Variants in HMGCLL1 observed in about 807,000 individuals in gnomAD.
HMGCLL1 encodes 3-hydroxy-3-methylglutaryl-CoA lyase like 1.
HMGCLL1 carries 36 observed loss-of-function variants against 39.1 expected under a neutral mutation model. The observed-to-expected ratio is 0.92, with a 90% confidence interval of 0.71 to 1.22. The LOEUF (loss-of-function observed/expected upper bound fraction) is 1.22, where lower values mean the gene tolerates loss of function less well. HMGCLL1 is among the 50% of genes most tolerant of loss of function. The pLI is 0.00. For missense variants in HMGCLL1, 451 were observed against 416.5 expected, an observed-to-expected ratio of 1.08 and a Z score of -0.72; for synonymous variants, 149 against 144.0, an observed-to-expected ratio of 1.03 and a Z score of -0.25.
At chr6:55,546,248 T>A (rs906933311) in intron 1 of HMGCLL1, among the ~76,000 whole-genome samples, 1 of 152,148 alleles carries the variant, frequency 6.6e-6, no homozygotes, top group Non-Finnish European at 1.5e-5. Context: ...TCATCCAAGA[T>A]TCAATTTGTC....
chr6:55,659,419 AAG>A, the HMGCLL1 span, among the ~76,000 whole-genome samples: 1 of 151,964 alleles, frequency 6.6e-6, no homozygotes, highest in African/African-American at 2.4e-5. Context: ...TGTCTCTCTG[AAG>A]GGCAAATTGC....
chr6:55,657,020 C>T, the HMGCLL1 span, among the ~76,000 whole-genome samples: 2 of 151,906 alleles, frequency 1.3e-5, 1 homozygote, highest in Admixed American at 1.3e-4. Context: ...GTAGGATGTA[C>T]TTTGCCCACT....
At chr6:55,665,206 T>C in the HMGCLL1 span, among the ~76,000 whole-genome samples, 2 of 151,676 alleles carry the variant, frequency 1.3e-5, no homozygotes, top group African/African-American at 2.4e-5. Context: ...GCAAGAAAAT[T>C]TTGAAATTAT....
chr6:55,576,362 T>C (rs905251995), intron 1 of HMGCLL1, among the ~76,000 whole-genome samples: 3 of 152,196 alleles, frequency 2.0e-5, no homozygotes, highest in Non-Finnish European at 4.4e-5. Flanking sequence ...AAGGCCACTG[T>C]GGCTAAAGTG....
At chr6:55,444,398 T>C (rs982665439) in intron 7 of HMGCLL1, among the ~76,000 whole-genome samples, 9 of 152,012 alleles carry the variant, frequency 5.9e-5, no homozygotes, top group African/African-American at 2.2e-4. Context: ...CACACACACA[T>C]ATATCTATAT....
the HMGCLL1 span, among the ~76,000 whole-genome samples, chr6:55,632,137 C>A: frequency 6.6e-6 from 1 of 152,072 alleles, no homozygotes; most frequent in Admixed American, 6.6e-5. Context: ...GAAATGCTAA[C>A]AACATTTGAG....
At chr6:55,591,832 C>T in the HMGCLL1 span, among the ~76,000 whole-genome samples, 5,896 of 151,778 alleles carry the variant, frequency 0.039, 164 homozygotes, top group Non-Finnish European at 0.057. Flanking sequence ...ATTCCAAGAA[C>T]ATTTTAGTTG....
intron 6 of HMGCLL1, among the ~76,000 whole-genome samples, chr6:55,496,074 C>T (rs1255785850): frequency 6.6e-6 from 1 of 151,990 alleles, no homozygotes; most frequent in Admixed American, 6.6e-5. Context: ...CATATATATA[C>T]AGCTGACCCT....
At chr6:55,451,552 A>AAAAAAC (rs374143147) in intron 7 of HMGCLL1, among the ~76,000 whole-genome samples, 21 of 146,554 alleles carry the variant, frequency 1.4e-4, no homozygotes, top group South Asian at 4.3e-4. Flanking sequence ...TCCATCTCCA[A>AAAAAAC]AAAAACAAAA....
intron 7 of HMGCLL1, among the ~76,000 whole-genome samples, chr6:55,469,566 A>G (rs917295711): frequency 6.6e-6 from 1 of 151,128 alleles, no homozygotes; most frequent in African/African-American, 2.4e-5. Flanking sequence ...AGGGAAGGAG[A>G]GAGAGGAATT....
At chr6:55,487,274 T>C (rs1280597448) in intron 7 of HMGCLL1, among the ~76,000 whole-genome samples, 1 of 152,068 alleles carries the variant, frequency 6.6e-6, no homozygotes, top group Non-Finnish European at 1.5e-5. Context: ...TAGTAAAAAG[T>C]TTGTCAATTT....
chr6:55,553,947 C>T (rs1031509243), intron 1 of HMGCLL1, among the ~76,000 whole-genome samples: 49 of 152,154 alleles, frequency 3.2e-4, no homozygotes, highest in Non-Finnish European at 5.4e-4. Flanking sequence ...CATTTTGGAA[C>T]CTGCCAACAT....
At position 55,516,619 on chromosome 6, in the gene HMGCLL1, G is replaced by A; in HGVS notation, c.298-16C>T. On this transcript the variant is annotated splice_polypyrimidine_tract_variant and intron_variant, in intron 3 of 8. Coordinates refer to ENST00000274901, the MANE Select transcript of HMGCLL1 (RefSeq NM_001042406.2). ...GATCAGCCATCTTAAATACATAATA[G>A]TTATATGTAAATGTGTAACTTCGAA... 1 of 1,487,996 alleles carries A rather than the reference G, an allele frequency of 6.7e-7. No homozygotes were observed. Among genetic ancestry groups the A allele is most frequent in the South Asian group, 1.2e-5 (1 of 82,508 alleles). 92.2% of individuals were successfully genotyped at this position (1,487,996 alleles called of 1,614,324 possible). A position where few individuals can be genotyped will look rare whatever the true frequency, so the allele number is the denominator to read the frequency against.
At chr6:55,500,951 C>T (rs1766849647) in intron 5 of HMGCLL1, among the ~76,000 whole-genome samples, 1 of 151,892 alleles carries the variant, frequency 6.6e-6, no homozygotes, top group South Asian at 2.1e-4. Context: ...GAAAAACAAA[C>T]ATAAATGCAA....
At chr6:55,496,663 G>C (rs1457237020) in intron 6 of HMGCLL1, among the ~76,000 whole-genome samples, 1 of 152,046 alleles carries the variant, frequency 6.6e-6, no homozygotes, top group East Asian at 1.9e-4. Flanking sequence ...GAACTCATAG[G>C]AAGTGCAACT....
chr6:55,611,147 CT>C, the HMGCLL1 span, among the ~76,000 whole-genome samples: 1 of 152,134 alleles, frequency 6.6e-6, no homozygotes, highest in African/African-American at 2.4e-5. Flanking sequence ...GAACAACCTG[CT>C]TTTGAATGAC....
At chr6:55,584,911 A>G in the HMGCLL1 span, among the ~76,000 whole-genome samples, 1 of 152,000 alleles carries the variant, frequency 6.6e-6, no homozygotes, top group Non-Finnish European at 1.5e-5. Flanking sequence ...AACAATAAAA[A>G]AGAAACAATG....
At chr6:55,545,855 G>C (rs185073905) in intron 1 of HMGCLL1, among the ~76,000 whole-genome samples, 77 of 152,234 alleles carry the variant, frequency 5.1e-4, no homozygotes, top group African/African-American at 1.8e-3. Context: ...ATCAGTAAGA[G>C]AGGGCTCTTA....
At chr6:55,648,171 G>T in the HMGCLL1 span, among the ~76,000 whole-genome samples, 1 of 141,470 alleles carries the variant, frequency 7.1e-6, no homozygotes, top group African/African-American at 2.7e-5. Context: ...GTCTATCATT[G>T]TTGGACATTT....
Sources: allele counts gnomAD v4.1 joint callset (sites outside exome capture counted in the v4.1 genomes callset), GRCh38; gene constraint gnomAD v4.1.1; transcripts MANE v1.5; gene names NCBI Gene and HGNC (gene_info 2026-07-23, HGNC 2026-07-21).